Variants in TOP6BL observed in about 807,000 individuals in gnomAD.
TOP6BL encodes the protein TOP6B like initiator of meiotic double strand breaks, also known as type 2 DNA topoisomerase 6 subunit B-like.
the TOP6BL span, among the ~76,000 whole-genome samples, chr11:66,766,456 A>G: frequency 6.6e-6 from 1 of 152,132 alleles, no homozygotes; most frequent in Admixed American, 6.6e-5. Context: ...TCTGGTCCCT[A>G]ACTATTTATA....
chr11:66,804,390 G>A, the TOP6BL span, among the ~76,000 whole-genome samples: 2 of 152,160 alleles, frequency 1.3e-5, no homozygotes, highest in African/African-American at 2.4e-5. Flanking sequence ...CATGCCATGC[G>A]TTTTTCATAC....
At chr11:66,797,332 C>T in the TOP6BL span, among the ~76,000 whole-genome samples, 14 of 151,994 alleles carry the variant, frequency 9.2e-5, no homozygotes, top group South Asian at 2.5e-3. Flanking sequence ...TGTGTTATAG[C>T]GAGAAACCTC....
chr11:66,788,119 A>G, the TOP6BL span: 4 of 1,434,090 alleles, frequency 2.8e-6, no homozygotes, highest in East Asian at 2.3e-5. Context: ...GTTCTTATCC[A>G]AACTGCTTGT....
At chr11:66,818,100 T>C in the TOP6BL span, among the ~76,000 whole-genome samples, 1 of 152,172 alleles carries the variant, frequency 6.6e-6, no homozygotes, top group African/African-American at 2.4e-5. Context: ...CGTGGGACTC[T>C]ATTCTCCAGG....
the TOP6BL span, among the ~76,000 whole-genome samples, chr11:66,786,039 C>G: frequency 6.6e-6 from 1 of 152,154 alleles, no homozygotes; most frequent in Non-Finnish European, 1.5e-5. Flanking sequence ...TGGCTTACAC[C>G]TGTAATCCCA....
chr11:66,810,659 C>T, the TOP6BL span, among the ~76,000 whole-genome samples: 1 of 152,090 alleles, frequency 6.6e-6, no homozygotes, highest in African/African-American at 2.4e-5. Flanking sequence ...TAAAGTGGCC[C>T]TTTATATAAT....
chr11:66,744,877 T>C, the TOP6BL span: 2 of 1,297,618 alleles, frequency 1.5e-6, no homozygotes, highest in Non-Finnish European at 2.0e-6. Flanking sequence ...GTTGCCGCTG[T>C]TCCCTGCGCG....
chr11:66,769,977 C>A, the TOP6BL span, among the ~76,000 whole-genome samples: 5 of 151,850 alleles, frequency 3.3e-5, no homozygotes, highest in African/African-American at 9.7e-5. Context: ...AAACTCCTGA[C>A]CTTGTGATCC....
At chr11:66,825,360 A>G in the TOP6BL span, among the ~76,000 whole-genome samples, 1 of 150,140 alleles carries the variant, frequency 6.7e-6, no homozygotes, top group East Asian at 2.0e-4. Flanking sequence ...GCGTGGTGGC[A>G]GGCGCCTGTA....
chr11:66,820,705 C>T, the TOP6BL span, among the ~76,000 whole-genome samples: 1 of 152,372 alleles, frequency 6.6e-6, no homozygotes, highest in South Asian at 2.1e-4. Context: ...GGGTTAGACA[C>T]ACTCTATAGG....
the TOP6BL span, among the ~76,000 whole-genome samples, chr11:66,795,672 G>A: frequency 6.6e-6 from 1 of 151,006 alleles, no homozygotes; most frequent in African/African-American, 2.4e-5. Context: ...TCCCTATTTT[G>A]CAGATTAGGA....
At chr11:66,840,826 C>T in the TOP6BL span, among the ~76,000 whole-genome samples, 2 of 152,152 alleles carry the variant, frequency 1.3e-5, no homozygotes, top group East Asian at 3.9e-4. Flanking sequence ...ATCTACTTTC[C>T]TCTGGTCATG....
At chr11:66,789,969 T>G in the TOP6BL span, among the ~76,000 whole-genome samples, 27 of 152,272 alleles carry the variant, frequency 1.8e-4, no homozygotes, top group South Asian at 5.4e-3. Context: ...GTACAGTGTC[T>G]TAAGATATGT....
At chr11:66,772,274 G>T in the TOP6BL span, among the ~76,000 whole-genome samples, 271 of 152,256 alleles carry the variant, frequency 1.8e-3, no homozygotes, top group Non-Finnish European at 3.0e-3. Flanking sequence ...TGCTAAACTA[G>T]CCTGGGAAAC....
chr11:66,783,093 C>A, the TOP6BL span, among the ~76,000 whole-genome samples: 1 of 152,182 alleles, frequency 6.6e-6, no homozygotes, highest in Non-Finnish European at 1.5e-5. Context: ...TGCCTGTAAT[C>A]CCAGCACTCT....
the TOP6BL span, among the ~76,000 whole-genome samples, chr11:66,806,787 G>C: frequency 1.3e-4 from 20 of 152,188 alleles, no homozygotes; most frequent in Admixed American, 1.0e-3. Context: ...CAGAAGAGGC[G>C]TGGTATGATA....
the TOP6BL span, chr11:66,843,082 G>A: frequency 1.1e-5 from 18 of 1,581,608 alleles, no homozygotes; most frequent in Non-Finnish European, 1.5e-5. Flanking sequence ...AACTGGGCGA[G>A]GGCCGCGCAG....
At chr11:66,837,745 A>T in the TOP6BL span, among the ~76,000 whole-genome samples, 2 of 152,154 alleles carry the variant, frequency 1.3e-5, no homozygotes, top group East Asian at 3.9e-4. Context: ...GCGCCTGGCT[A>T]TGAATTTTTA....
At chr11:66,755,288 T>C in the TOP6BL span, among the ~76,000 whole-genome samples, 1 of 152,056 alleles carries the variant, frequency 6.6e-6, no homozygotes, top group Admixed American at 6.6e-5. Context: ...GCCTGGCTAA[T>C]TTTTGTATTT....
Sources: allele counts gnomAD v4.1 joint callset (sites outside exome capture counted in the v4.1 genomes callset), GRCh38; gene constraint gnomAD v4.1.1; transcripts MANE v1.5; gene names NCBI Gene and HGNC (gene_info 2026-07-23, HGNC 2026-07-21).